Variants in PES1 observed in about 807,000 individuals in gnomAD.
PES1 encodes pescadillo ribosomal biogenesis factor 1, also known as pescadillo homolog.
Under a neutral mutation model 77.1 loss-of-function variants are expected in PES1, and 31 were observed. That is an observed-to-expected ratio of 0.40 (90% CI 0.30 to 0.54). The LOEUF is 0.54. Among genes scored for constraint, PES1 ranks in the 20% least tolerant of loss-of-function variants. The probability of loss-of-function intolerance (pLI) is 0.45; values close to 1 mark genes in which losing one functional copy is unlikely to be tolerated. For missense variants in PES1, 658 were observed against 771.7 expected (o/e 0.85, Z 1.75); for synonymous variants, 282 against 303.0 (o/e 0.93, Z 0.72).
chr22:30,604,332 G>A (rs1462774470), intron 2 of PES1, among the ~76,000 whole-genome samples: 1 of 152,160 alleles, frequency 6.6e-6, no homozygotes, highest in Admixed American at 6.5e-5. Context: ...GCATGGCCTT[G>A]ATAGAAATGT....
At chr22:30,578,743 T>A in intron 14 of PES1, 94 bp downstream of exon 14, 1 of 1,369,350 alleles carries the variant, frequency 7.3e-7, no homozygotes, top group Non-Finnish European at 1.0e-6. Context: ...AGAGCCTCAG[T>A]CTGCCTAGAG....
At chr22:30,582,461 A>G (rs2087002177) in intron 6 of PES1, among the ~76,000 whole-genome samples, 1 of 152,216 alleles carries the variant, frequency 6.6e-6, no homozygotes, top group African/African-American at 2.4e-5. Flanking sequence ...CAGGGGACAC[A>G]GAAGGCTCAT....
chr22:30,600,482 A>G (rs2087338281), intron 2 of PES1, among the ~76,000 whole-genome samples: 1 of 152,108 alleles, frequency 6.6e-6, no homozygotes, highest in African/African-American at 2.4e-5. Context: ...CGGGAGTTCG[A>G]GACCAGCCTG....
intron 2 of PES1, among the ~76,000 whole-genome samples, chr22:30,588,759 G>T (rs989343303): frequency 6.6e-6 from 1 of 151,852 alleles, no homozygotes; most frequent in Admixed American, 6.6e-5. Context: ...CTCCAGCCTG[G>T]CCAACAGAGT....
chr22:30,606,743 ATC>A, intron 1 of PES1: 1 of 578,486 alleles, frequency 1.7e-6, no homozygotes, highest in Non-Finnish European at 2.1e-6. Flanking sequence ...CACCCCCACA[ATC>A]CCCTCCCGCC....
intron 14 of PES1, 33 bp downstream of exon 14, chr22:30,578,804 C>T (rs2086937991): frequency 6.2e-7 from 1 of 1,610,572 alleles, no homozygotes; most frequent in Non-Finnish European, 8.5e-7. Flanking sequence ...CTGGTGGCCA[C>T]ACCTGGATCT....
chr22:30,581,105 C>T lies in PES1; in HGVS notation c.823-4G>A. 5 of 1,603,824 alleles carry T rather than the reference C, an allele frequency of 3.1e-6. No homozygotes were observed. The highest frequency in any genetic ancestry group is 1.1e-5 in the South Asian group (1 of 89,754). On this transcript the variant is annotated splice_polypyrimidine_tract_variant and splice_region_variant and intron_variant, in intron 8 of 14. Coordinates refer to ENST00000354694, the MANE Select transcript of PES1 (RefSeq NM_014303.4). The stretch of plus-strand genomic sequence containing the variant: ...TGGCACTGAGGGCTGCCAGTTTCTA[C>T]AGGAGAGAAGGGGGCTGCTTGCAGT...
chr22:30,577,525 G>C (rs2086919470), intron 14 of PES1, among the ~76,000 whole-genome samples: 1 of 152,192 alleles, frequency 6.6e-6, no homozygotes, highest in Non-Finnish European at 1.5e-5. Flanking sequence ...TAAAGGGACA[G>C]GGTCTTTCTC....
chr22:30,595,139 TG>T (rs1414426487), upstream of PES1, among the ~76,000 whole-genome samples: 4 of 152,166 alleles, frequency 2.6e-5, no homozygotes, highest in Admixed American at 1.3e-4. Context: ...GGACAATGCC[TG>T]GCACCAACAA....
chr22:30,579,728 C>T, intron 12 of PES1, 23 bp downstream of exon 12: 1 of 1,610,352 alleles, frequency 6.2e-7, no homozygotes, highest in Non-Finnish European at 8.5e-7. Flanking sequence ...GGGTCAAGGC[C>T]AGCCCAGTCC....
chr22:30,585,495 C>T, intron 4 of PES1: 1 of 290,772 alleles, frequency 3.4e-6, no homozygotes, highest in Non-Finnish European at 7.2e-6. Flanking sequence ...CTTGCAGCTC[C>T]CTAGAAACAC....
rs376966812 is a variant in PES1, at chr22:30,581,565, C to T, written c.710G>A (p.Arg237His). Residue 237 changes from arginine (R) to histidine (H), a missense_variant, in exon 7 of 15, where the codon CGC becomes CAC. By Grantham distance (29) the Arg-to-His change is conservative. Transcript: ENST00000354694. ...YTTLLGFVNFRLYQLLNLHYP... is the reference protein window; with the variant it reads ...YTTLLGFVNFHLYQLLNLHYP... ...GTGGAGGTTGAGCAACTGGTAAAGGCGGAAGTTGACAAAGCCCAGCAGCGT... is the reference window on the plus strand; with the variant it reads ...GTGGAGGTTGAGCAACTGGTAAAGGTGGAAGTTGACAAAGCCCAGCAGCGT... 3.1e-6 allele frequency: 5 copies of T among 1,613,748 alleles called. No homozygotes were observed. Among genetic ancestry groups the T allele is most frequent in the East Asian group, 2.2e-5 (1 of 44,866 alleles).
At chr22:30,596,533 C>T (rs938319712), upstream of PES1, among the ~76,000 whole-genome samples, 1 of 152,060 alleles carries the variant, frequency 6.6e-6, no homozygotes, top group Non-Finnish European at 1.5e-5. Context: ...ATCAAACTGC[C>T]ATGGAAACTA....
In PES1 at chr22:30,579,273, T is replaced by C; in HGVS notation, c.1385A>G (p.Glu462Gly). The change falls in exon 13 of 15, where the codon GAA becomes GGA. Residue 462 changes from glutamate (E) to glycine (G), a missense_variant. Physicochemically the swap from Glu to Gly is moderately conservative, Grantham distance 98. Transcript: ENST00000354694. ...ATCACCTTCGTTGTTGTCGTCCTCTTCCTCCTCCTCTTCTGACTCATTCAG... is the reference window on the plus strand; with the variant it reads ...ATCACCTTCGTTGTTGTCGTCCTCTCCCTCCTCCTCTTCTGACTCATTCAG... ...GNLNESEEEE[E>G]EDDNNEGDGD... The C allele has an allele frequency of 7.5e-6, 12 of 1,601,368 alleles. No individual in the cohort carries two copies. The highest frequency in any genetic ancestry group is 1.0e-5 in the Non-Finnish European group (12 of 1,179,556).
intron 2 of PES1, chr22:30,605,396 C>T (rs2087423441): frequency 2.1e-6 from 2 of 952,008 alleles, no homozygotes; most frequent in African/African-American, 1.8e-5. Flanking sequence ...CCCTCCTTTA[C>T]TTCGACACCC....
Position 30,577,052 on chromosome 22 carries a change from C to T in PES1, c.1761G>A (p.Pro587=), listed in dbSNP as rs1296206151. ...TGTGAGGGGCCGCAGGCACTCACTC[C>T]GGCCTTGCCTTCTTGGCCTTCTTCT... ...RSEKKAKKAR[P]E Residue 587 remains proline, a synonymous_variant, in exon 15 of 15, where the codon CCG becomes CCA. Transcript: ENST00000354694. 34 of 1,613,398 alleles carry T rather than the reference C, an allele frequency of 2.1e-5. No individual in the cohort carries two copies. The highest frequency in any genetic ancestry group is 1.7e-4 in the Middle Eastern group (1 of 6,050).
Position 30,587,871 on chromosome 22 carries a change from C to T in PES1, c.258+150G>A, listed in dbSNP as rs762488970. ...GGCCAGGTCCTCCAAACTAACCGAC[C>T]TCTTCCCTCCAAGTACTTCTGTTGA... On this transcript the variant is annotated intron_variant, in intron 3 of 14. Coordinates refer to ENST00000354694, the MANE Select transcript of PES1 (RefSeq NM_014303.4). The T allele has an allele frequency of 4.4e-5, 33 of 758,154 alleles. No homozygotes were observed. In the South Asian group the frequency reaches 6.0e-4, roughly 14 times the overall value. 47.0% of individuals were successfully genotyped at this position (758,154 alleles called of 1,614,324 possible). A position where few individuals can be genotyped will look rare whatever the true frequency, so the allele number is the denominator to read the frequency against.
In PES1 at chr22:30,587,506, G is replaced by T. The variant is rs191309330; in HGVS notation, c.259-111C>A. On this transcript the variant is annotated intron_variant, in intron 3 of 14. Coordinates refer to ENST00000354694, the MANE Select transcript of PES1 (RefSeq NM_014303.4). ...AAGGACTCTCATGCCTCCTGAAGCT[G>T]GCCACGGCTATGTGCCTGTGTCACT... The T allele has an allele frequency of 8.8e-5, 68 of 773,412 alleles. 1 individual carries two copies. In the African/African-American group the frequency reaches 1.1e-3, roughly 13 times the overall value. 47.9% of individuals were successfully genotyped at this position (773,412 alleles called of 1,614,324 possible). A position where few individuals can be genotyped will look rare whatever the true frequency, so the allele number is the denominator to read the frequency against.
rs139553213 is a variant in PES1, at chr22:30,589,384, A to G, written c.25-114T>C. ...TCACTCTGGATAAGTGGCTGAGATG[A>G]GTCTAGGAGAGGAAACACTGCAGGG... On this transcript the variant is annotated intron_variant, in intron 1 of 14. Coordinates refer to ENST00000354694, the MANE Select transcript of PES1 (RefSeq NM_014303.4). 1.3e-4 allele frequency: 112 copies of G among 841,948 alleles called. 2 individuals carry two copies. The Admixed American group carries it at 2.5e-3, about 18-fold the overall frequency. The allele number at this position is 841,948 out of a possible 1,614,324, so 52.2% of individuals were successfully genotyped here. A position where few individuals can be genotyped will look rare whatever the true frequency, so the allele number is the denominator to read the frequency against.
Sources: allele counts gnomAD v4.1 joint callset (sites outside exome capture counted in the v4.1 genomes callset), GRCh38; gene constraint gnomAD v4.1.1; transcripts MANE v1.5; gene names NCBI Gene and HGNC (gene_info 2026-07-23, HGNC 2026-07-21).